Variants in TBPL2 observed in about 807,000 individuals in gnomAD.
The protein encoded by TBPL2 is TATA box-binding protein-like 2.
Under a neutral mutation model 38.2 loss-of-function variants are expected in TBPL2, and 40 were observed. That is an observed-to-expected ratio of 1.05 (90% CI 0.81 to 1.36). The LOEUF (loss-of-function observed/expected upper bound fraction) is 1.36. TBPL2 is among the 40% of genes most tolerant of loss of function. TBPL2 has a pLI of 0.00. For missense variants in TBPL2, 461 were observed against 456.7 expected, an observed-to-expected ratio of 1.01 and a Z score of -0.09; for synonymous variants, 169 against 171.7, an observed-to-expected ratio of 0.98 and a Z score of 0.12.
At chr14:55,429,464 C>T (rs1885887868) in intron 4 of TBPL2, among the ~76,000 whole-genome samples, 2 of 152,268 alleles carry the variant, frequency 1.3e-5, no homozygotes, top group South Asian at 4.1e-4. Context: ...AAGTATGTCC[C>T]ATTTAGAAGA....
At chr14:55,414,447 C>G in exon 7 of TBPL2, 1 of 1,603,394 alleles carries the variant, frequency 6.2e-7, no homozygotes, top group South Asian at 1.1e-5. Flanking sequence ...TCAGAACGTT[C>G]TTTGGCACCT....
intron 5 of TBPL2, among the ~76,000 whole-genome samples, chr14:55,427,158 T>A (rs1306854614): frequency 1.3e-5 from 2 of 152,140 alleles, no homozygotes; most frequent in South Asian, 4.1e-4. Flanking sequence ...CTGCAAATTA[T>A]GCCAAGATTG....
chr14:55,430,551 G>A (rs1885909873), intron 4 of TBPL2, among the ~76,000 whole-genome samples: 1 of 152,008 alleles, frequency 6.6e-6, no homozygotes, highest in Non-Finnish European at 1.5e-5. Context: ...GCAGGGGCAT[G>A]CACCACCACA....
At chr14:55,420,828 G>T (rs762413873) in intron 6 of TBPL2, among the ~76,000 whole-genome samples, 6 of 152,110 alleles carry the variant, frequency 3.9e-5, no homozygotes, top group Non-Finnish European at 8.8e-5. Context: ...GGGTGGCCGA[G>T]GCGGGTGGAT....
chr14:55,425,700 C>G (rs548160859), intron 5 of TBPL2, among the ~76,000 whole-genome samples: 3 of 152,114 alleles, frequency 2.0e-5, no homozygotes, highest in Non-Finnish European at 4.4e-5. Context: ...ATGTTACTTC[C>G]CCAAGAAAAT....
intron 6 of TBPL2, among the ~76,000 whole-genome samples, chr14:55,415,174 ACTT>A (rs2140161505): frequency 6.6e-6 from 1 of 152,328 alleles, no homozygotes; most frequent in Non-Finnish European, 1.5e-5. Context: ...TACTTGTACT[ACTT>A]ATATTTATAT....
chr14:55,418,056 T>C (rs1337293163), intron 6 of TBPL2, among the ~76,000 whole-genome samples: 2 of 152,218 alleles, frequency 1.3e-5, no homozygotes, highest in Non-Finnish European at 2.9e-5. Flanking sequence ...TTTTATAAAA[T>C]CTAAGCCATT....
At chr14:55,422,082 T>C (rs1044889454) in intron 6 of TBPL2, among the ~76,000 whole-genome samples, 4 of 152,166 alleles carry the variant, frequency 2.6e-5, no homozygotes, top group African/African-American at 9.7e-5. Flanking sequence ...AATAGGATTA[T>C]AATAGGATAA....
At chr14:55,426,722 A>G (rs72717779) in intron 5 of TBPL2, among the ~76,000 whole-genome samples, 60,458 of 150,556 alleles carry the variant, frequency 0.4, 14,158 homozygotes, top group East Asian at 0.58. Context: ...TTAAAAAAAA[A>G]AAAAGAAAAG....
chr14:55,423,178 G>C (rs1387805262), intron 6 of TBPL2, among the ~76,000 whole-genome samples: 2 of 152,176 alleles, frequency 1.3e-5, no homozygotes, highest in Non-Finnish European at 1.5e-5. Context: ...CTGATTACCG[G>C]TGGGGTTAAA....
At chr14:55,417,015 C>T (rs1885678712) in intron 6 of TBPL2, among the ~76,000 whole-genome samples, 1 of 152,220 alleles carries the variant, frequency 6.6e-6, no homozygotes, top group African/African-American at 2.4e-5. Context: ...TGCATTCAAG[C>T]TCAAGGAGTA....
chr14:55,439,964 G>A (rs1352652416), intron 1 of TBPL2, among the ~76,000 whole-genome samples: 3 of 128,116 alleles, frequency 2.3e-5, no homozygotes, highest in Non-Finnish European at 5.1e-5. Flanking sequence ...AGCCAGGTGT[G>A]GTGCGTGTGC....
At chr14:55,436,780 G>A (rs769402575) in exon 2 of TBPL2, 1 of 1,614,184 alleles carries the variant, frequency 6.2e-7, no homozygotes, top group Non-Finnish European at 8.5e-7. Flanking sequence ...CCTACTTTGT[G>A]GACTTTGGCT....
chr14:55,425,101 C>G (rs540580758), intron 5 of TBPL2, among the ~76,000 whole-genome samples: 2 of 152,336 alleles, frequency 1.3e-5, no homozygotes, highest in East Asian at 3.9e-4. Flanking sequence ...CAGCAATGAA[C>G]AAGACCCAAA....
At chr14:55,428,117 A>ATTTTTTTTTT (rs1420262023) in intron 5 of TBPL2, among the ~76,000 whole-genome samples, 3 of 48,330 alleles carry the variant, frequency 6.2e-5, no homozygotes, top group Non-Finnish European at 1.2e-4. Context: ...CACATGCCTT[A>ATTTTTTTTTT]TCTTTTTTTT....
chr14:55,433,309 C>CTCT (rs774552139), intron 4 of TBPL2, among the ~76,000 whole-genome samples: 4 of 119,884 alleles, frequency 3.3e-5, no homozygotes, highest in African/African-American at 1.0e-4. Context: ...TTAGATTTCT[C>CTCT]TTTTTTTTTT....
At chr14:55,429,731 A>T (rs1885892659) in intron 4 of TBPL2, among the ~76,000 whole-genome samples, 1 of 137,432 alleles carries the variant, frequency 7.3e-6, no homozygotes, top group Admixed American at 8.6e-5. Flanking sequence ...GCGCCATTGC[A>T]CTCCAGCCTA....
intron 6 of TBPL2, among the ~76,000 whole-genome samples, chr14:55,417,989 CCTT>C (rs1885691915): frequency 6.6e-6 from 1 of 152,114 alleles, no homozygotes; most frequent in South Asian, 2.1e-4. Context: ...GGACAATAAA[CCTT>C]CTTGTAGAGT....
chr14:55,434,562 C>A (rs1885984192), intron 3 of TBPL2, among the ~76,000 whole-genome samples: 1 of 152,150 alleles, frequency 6.6e-6, no homozygotes, highest in African/African-American at 2.4e-5. Context: ...ACCCCTACCC[C>A]TCGTCCAAAA....
Sources: gnomAD v4.1 joint callset for allele counts (sites outside exome capture counted in the v4.1 genomes callset) on GRCh38, gnomAD v4.1.1 for gene constraint, MANE v1.5 for transcripts, NCBI Gene and HGNC (gene_info 2026-07-23, HGNC 2026-07-21) for gene names.